Variants in ZNF365 observed in about 807,000 individuals in gnomAD.
ZNF365 encodes the protein zinc finger protein 365.
In ZNF365, 22 loss-of-function variants were observed where a neutral mutation model predicts 35.0. The observed-to-expected ratio is 0.63, with a 90% CI of 0.45 to 0.90. The LOEUF (loss-of-function observed/expected upper bound fraction) is 0.90. Among genes scored for constraint, ZNF365 ranks in the 40% least tolerant of loss-of-function variants. The pLI, the probability that ZNF365 is intolerant of heterozygous loss-of-function variation, is 0.00. For synonymous variants in ZNF365, 188 were observed against 196.2 expected, an observed-to-expected ratio of 0.96 and a Z score of 0.35; for missense variants, 448 against 500.3, an observed-to-expected ratio of 0.90 and a Z score of 1.00.
chr10:62,376,130 A>C (rs1385178832), intron 1 of ZNF365, 51 bp from the exon 2 acceptor site: 2 of 1,567,610 alleles, frequency 1.3e-6, no homozygotes, highest in Non-Finnish European at 1.7e-6. Flanking sequence ...CAATCATTTT[A>C]GTAGTGTGTT....
chr10:62,396,608 G>C (rs555869992), intron 3 of ZNF365, among the ~76,000 whole-genome samples: 2 of 152,160 alleles, frequency 1.3e-5, no homozygotes, highest in Admixed American at 6.5e-5. Context: ...TTCATATCTT[G>C]AGGTCCCAGC....
At chr10:62,395,884 CA>C (rs1839718675) in intron 3 of ZNF365, among the ~76,000 whole-genome samples, 1 of 152,132 alleles carries the variant, frequency 6.6e-6, no homozygotes, top group African/African-American at 2.4e-5. Context: ...GCTTTTAGTA[CA>C]AGGCTATTTA....
intron 2 of ZNF365, among the ~76,000 whole-genome samples, chr10:62,384,750 G>A (rs187898507): frequency 7.2e-4 from 109 of 152,346 alleles, no homozygotes; most frequent in Middle Eastern, 3.4e-3. Flanking sequence ...AAGAGTCATT[G>A]CAATGTGGGA....
chr10:62,382,661 C>G (rs553961586), intron 2 of ZNF365, among the ~76,000 whole-genome samples: 2 of 152,244 alleles, frequency 1.3e-5, no homozygotes, highest in South Asian at 4.1e-4. Flanking sequence ...ATGGGCCATG[C>G]CTTAAGACGT....
At chr10:62,459,641 T>G in intron 3 of ZNF365, 5 of 1,315,606 alleles carry the variant, frequency 3.8e-6, no homozygotes, top group Non-Finnish European at 4.2e-6. Flanking sequence ...TCTCTTTACT[T>G]AAATGAATGG....
Position 62,400,574 on chromosome 10 carries a change from T to C in ZNF365, c.*785T>C. The C allele has an allele frequency of 1.0e-6, 1 of 985,916 alleles. No individual in the cohort carries two copies. The highest frequency in any genetic ancestry group is 1.2e-6 in the Non-Finnish European group (1 of 829,936). The allele number at this position is 985,916 out of a possible 1,614,324, so 61.1% of individuals were successfully genotyped here. ...GCTGGGGAGCGAAGTAAAATCCTCT[T>C]TTGATTAGCACCCAGCATGGGCTGG... is the stretch of plus-strand genomic sequence containing the variant. On this transcript the variant is annotated 3_prime_UTR_variant, in exon 5 of 5. Coordinates refer to ENST00000395254, the MANE Select transcript of ZNF365 (RefSeq NM_014951.3).
chr10:62,419,513 C>T (rs1840132882), intron 3 of ZNF365, among the ~76,000 whole-genome samples: 2 of 148,442 alleles, frequency 1.3e-5, no homozygotes, highest in South Asian at 2.1e-4. Flanking sequence ...AAAAAAAGGA[C>T]GGGGTGGGCT....
Position 62,400,838 on chromosome 10 carries a change from C to A in ZNF365, c.*1049C>A. 1 of 985,408 alleles carries A rather than the reference C, an allele frequency of 1.0e-6. No individual in the cohort carries two copies. The highest frequency in any genetic ancestry group is 1.7e-5 in the African/African-American group (1 of 57,290). 61.0% of individuals were successfully genotyped at this position (985,408 alleles called of 1,614,324 possible). A position where few individuals can be genotyped will look rare whatever the true frequency, so the allele number is the denominator to read the frequency against. Reference sequence around the variant, plus strand: ...GTGCCCTGTTAAGGGCTTCAGGTATCTTTCAACCAAGTATCTGGAGTGTTC... The same window carrying A: ...GTGCCCTGTTAAGGGCTTCAGGTATATTTCAACCAAGTATCTGGAGTGTTC... On this transcript the variant is annotated 3_prime_UTR_variant, in exon 5 of 5. Coordinates refer to ENST00000395254, the MANE Select transcript of ZNF365 (RefSeq NM_014951.3).
At chr10:62,467,607 G>T (rs920303366) in intron 4 of ZNF365, among the ~76,000 whole-genome samples, 2 of 152,190 alleles carry the variant, frequency 1.3e-5, no homozygotes, top group African/African-American at 4.8e-5. Flanking sequence ...TACACATATG[G>T]GTTGAGGGAT....
chr10:62,428,543 C>A (rs201162068), intron 3 of ZNF365, among the ~76,000 whole-genome samples: 1 of 34,274 alleles, frequency 2.9e-5, no homozygotes, highest in African/African-American at 5.5e-5. Context: ...CCTGAGGCCT[C>A]CCCAGCCCTG....
chr10:62,410,686 G>A (rs772962807), intron 3 of ZNF365, among the ~76,000 whole-genome samples: 5 of 152,092 alleles, frequency 3.3e-5, no homozygotes, highest in Admixed American at 6.6e-5. Context: ...TCCCTGTAAA[G>A]GACATTATCT....
chr10:62,463,374 G>A (rs889369139), intron 4 of ZNF365, among the ~76,000 whole-genome samples: 38 of 152,170 alleles, frequency 2.5e-4, no homozygotes, highest in African/African-American at 8.7e-4. Context: ...CACGTTTTCT[G>A]TTCCCCTCCC....
chr10:62,453,392 T>G (rs1234801728), intron 3 of ZNF365, among the ~76,000 whole-genome samples: 1 of 152,228 alleles, frequency 6.6e-6, no homozygotes, highest in Non-Finnish European at 1.5e-5. Flanking sequence ...GTATTTGTCT[T>G]TCTGTTTCTG....
At chr10:62,479,527 C>T (rs990233560) in intron 4 of ZNF365, among the ~76,000 whole-genome samples, 1 of 152,176 alleles carries the variant, frequency 6.6e-6, no homozygotes, top group Non-Finnish European at 1.5e-5. Context: ...GATTATATAA[C>T]TTATCATCTG....
chr10:62,411,853 A>C (rs1839989815), intron 3 of ZNF365, among the ~76,000 whole-genome samples: 1 of 152,116 alleles, frequency 6.6e-6, no homozygotes, highest in Non-Finnish European at 1.5e-5. Context: ...TAGTGTTAAG[A>C]GGTAAATTTA....
At chr10:62,454,640 T>TA (rs1840733764) in intron 3 of ZNF365, among the ~76,000 whole-genome samples, 2 of 150,784 alleles carry the variant, frequency 1.3e-5, no homozygotes, top group African/African-American at 4.9e-5. Flanking sequence ...TGTTTTTTTT[T>TA]CTTTGCTTCT....
chr10:62,406,572 C>A (rs888802676), downstream of ZNF365, among the ~76,000 whole-genome samples: 2 of 152,166 alleles, frequency 1.3e-5, no homozygotes, highest in East Asian at 1.9e-4. Context: ...CATCAGTGGC[C>A]TCAGATATGC....
chr10:62,473,933 G>A (rs1467205592), intron 4 of ZNF365, among the ~76,000 whole-genome samples: 1 of 152,134 alleles, frequency 6.6e-6, no homozygotes, highest in East Asian at 1.9e-4. Flanking sequence ...AAAGTTTGAG[G>A]GATGGGCACC....
chr10:62,376,579 A>G lies in ZNF365; in HGVS notation c.386A>G (p.Tyr129Cys), dbSNP rs1462053909. 1 of 1,614,146 alleles carries G rather than the reference A, an allele frequency of 6.2e-7. No individual in the cohort carries two copies. The highest frequency in any genetic ancestry group is 8.5e-7 in the Non-Finnish European group (1 of 1,180,036). ...AGGCCTGTGTCCTATGTGCAGACCT[A>G]CACTGCCATGGACCTCCATGCAGAC... ...AERPVSYVQT[Y>C]TAMDLHADSL... The change falls in exon 2 of 5, where the codon TAC becomes TGC. Residue 129 changes from tyrosine (Y) to cysteine (C), a missense_variant. This residue lies in a region of ZNF365 where 362 missense variants were observed against 375.7 expected (regional missense o/e 0.96). Coordinates refer to ENST00000395254, the MANE Select transcript of ZNF365 (RefSeq NM_014951.3).
Sources: allele counts gnomAD v4.1 joint callset (sites outside exome capture counted in the v4.1 genomes callset), GRCh38; gene constraint gnomAD v4.1.1; regional missense constraint gnomAD v4.1.1; transcripts MANE v1.5; gene names NCBI Gene and HGNC (gene_info 2026-07-23, HGNC 2026-07-21).